Variants in MMP28 observed in about 807,000 individuals in gnomAD.
MMP28 encodes matrix metallopeptidase 28.
MMP28 carries 55 observed loss-of-function variants against 60.5 expected under a neutral mutation model. The ratio of observed to expected loss-of-function variants is 0.91; its 90% confidence interval spans 0.73 to 1.14. MMP28 has a LOEUF of 1.14. MMP28 is among the 50% of genes most tolerant of loss of function. MMP28 has a pLI of 0.00. For synonymous variants in MMP28, 318 were observed against 312.5 expected (o/e 1.02, Z -0.18); for missense variants, 686 against 738.3 (o/e 0.93, Z 0.82).
downstream of MMP28, chr17:35,760,994 A>T: frequency 6.3e-7 from 1 of 1,597,572 alleles, no homozygotes; most frequent in Non-Finnish European, 8.5e-7. Flanking sequence ...GGAGGACAGG[A>T]CCTCTTGACC....
chr17:35,791,051 T>C (rs1008278333), intron 1 of MMP28, among the ~76,000 whole-genome samples: 4 of 151,572 alleles, frequency 2.6e-5, no homozygotes, highest in South Asian at 4.2e-4. Context: ...AATCTTACAA[T>C]AGTAGAATTC....
Position 35,770,356 on chromosome 17 carries a change from GC to G in MMP28, c.605-45del, listed in dbSNP as rs1165360113. 4.8e-6 allele frequency: 7 copies of G among 1,454,478 alleles called. No homozygotes were observed. In the Admixed American group the frequency reaches 1.1e-4, roughly 22 times the overall value. 90.1% of individuals were successfully genotyped at this position (1,454,478 alleles called of 1,614,324 possible). On this transcript the variant is annotated intron_variant, in intron 4 of 7. Transcript: ENST00000605424. ...GTCAGGGGGTGCCACGGCCCACGAC[GC>G]CCCCAGGTACTCGCGGCCCAGCGCA...
intron 1 of MMP28, among the ~76,000 whole-genome samples, chr17:35,794,686 C>A (rs1261211281): frequency 6.6e-6 from 1 of 152,154 alleles, no homozygotes; most frequent in Non-Finnish European, 1.5e-5. Context: ...GTTCACCTTC[C>A]TGCCCCCTTA....
At chr17:35,783,173 C>T (rs964251651) in intron 1 of MMP28, among the ~76,000 whole-genome samples, 1 of 152,208 alleles carries the variant, frequency 6.6e-6, no homozygotes, top group Non-Finnish European at 1.5e-5. Flanking sequence ...TTTCTTTATC[C>T]ACAAAGTGAG....
At chr17:35,793,411 T>C (rs544187600) in intron 1 of MMP28, among the ~76,000 whole-genome samples, 2 of 152,234 alleles carry the variant, frequency 1.3e-5, no homozygotes, top group Admixed American at 6.5e-5. Context: ...AGCCTTCTCC[T>C]GGGGCTGCAA....
chr17:35,770,364 G>C, intron 4 of MMP28, 52 bp from the exon 5 acceptor site: 1 of 1,449,120 alleles, frequency 6.9e-7, no homozygotes, highest in Non-Finnish European at 9.0e-7. Context: ...ACGCCCCCAG[G>C]TACTCGCGGC....
At chr17:35,792,192 G>A (rs1340882206) in intron 1 of MMP28, among the ~76,000 whole-genome samples, 1 of 152,056 alleles carries the variant, frequency 6.6e-6, no homozygotes, top group East Asian at 1.9e-4. Flanking sequence ...AGCAATCGTG[G>A]GGTCTATGTT....
intron 3 of MMP28, among the ~76,000 whole-genome samples, chr17:35,777,443 G>A (rs2086367036): frequency 6.6e-6 from 1 of 152,196 alleles, no homozygotes; most frequent in Non-Finnish European, 1.5e-5. Flanking sequence ...GGGCATATAG[G>A]TGAAGCAGAA....
chr17:35,789,620 C>T (rs1370364383), intron 1 of MMP28, among the ~76,000 whole-genome samples: 1 of 152,040 alleles, frequency 6.6e-6, no homozygotes, highest in East Asian at 1.9e-4. Flanking sequence ...AGTTTCATTG[C>T]TCTGATGATT....
At chr17:35,775,181 T>C (rs2086289243) in intron 3 of MMP28, among the ~76,000 whole-genome samples, 1 of 152,004 alleles carries the variant, frequency 6.6e-6, no homozygotes, top group Non-Finnish European at 1.5e-5. Flanking sequence ...TGAATAGGAA[T>C]GGGAATTGAG....
At chr17:35,767,688 GACCTTGGGC>G in intron 7 of MMP28, 55 bp downstream of exon 7, 1 of 1,533,336 alleles carries the variant, frequency 6.5e-7, no homozygotes, top group Non-Finnish European at 8.8e-7. Context: ...GTCCTCTTTT[GACCTTGGGC>G]AGGACACCTT....
At chr17:35,767,019 C>G in intron 7 of MMP28, 125 bp from the exon 8 acceptor site, 1 of 892,454 alleles carries the variant, frequency 1.1e-6, no homozygotes, top group East Asian at 2.6e-5. Context: ...GTATTCATAT[C>G]AATCAAACGG....
chr17:35,771,121 G>A (rs940896316), intron 4 of MMP28, among the ~76,000 whole-genome samples: 65 of 152,092 alleles, frequency 4.3e-4, no homozygotes, highest in African/African-American at 1.4e-3. Flanking sequence ...TGCCTAGCAC[G>A]TAATAAGGGC....
At chr17:35,794,989 C>T (rs963552003) in intron 1 of MMP28, among the ~76,000 whole-genome samples, 1 of 152,208 alleles carries the variant, frequency 6.6e-6, no homozygotes, top group Non-Finnish European at 1.5e-5. Context: ...CCGTGCCAAA[C>T]TAGGGTAGGA....
At chr17:35,786,883 A>G (rs1416717402) in intron 1 of MMP28, among the ~76,000 whole-genome samples, 1 of 151,964 alleles carries the variant, frequency 6.6e-6, no homozygotes, top group Non-Finnish European at 1.5e-5. Flanking sequence ...AGGTGTTGCT[A>G]TTCCCATTTT....
At chr17:35,795,223 T>G in intron 1 of MMP28, 44 bp downstream of exon 1, 1 of 1,307,242 alleles carries the variant, frequency 7.6e-7, no homozygotes, top group Non-Finnish European at 9.9e-7. Context: ...TTCTGACAGG[T>G]CTCAAGCACA....
At chr17:35,764,347 G>C (rs947180819), downstream of MMP28, 6 of 1,449,326 alleles carry the variant, frequency 4.1e-6, no homozygotes, top group Non-Finnish European at 5.4e-6. Flanking sequence ...CTCCTCGACC[G>C]GGGCACGAGG....
rs761264052 is a variant in MMP28, at chr17:35,770,167, G to C, written c.750C>G (p.His250Gln). ...CCATGAGCGCGCGCGGCGCGGGCGA[G>C]TGGGTGAGGCCAAGCGTGTGACCGA... ...HEIGHTLGLT[H>Q]SPAPRALMAP... Residue 250 changes from histidine (H) to glutamine (Q), a missense_variant, in exon 5 of 8, where the codon CAC becomes CAG. Transcript: ENST00000605424. 9 of 1,607,016 alleles carry C rather than the reference G, an allele frequency of 5.6e-6. No individual in the cohort carries two copies. In the South Asian group the frequency reaches 8.8e-5, roughly 16 times the overall value.
chr17:35,766,214 A>T lies in MMP28; in HGVS notation c.*286T>A. 5.0e-6 allele frequency: 6 copies of T among 1,194,130 alleles called. No individual in the cohort carries two copies. Among genetic ancestry groups the T allele is most frequent in the Non-Finnish European group, 6.2e-6 (6 of 961,518 alleles). The allele number at this position is 1,194,130 out of a possible 1,614,324, so 74.0% of individuals were successfully genotyped here. On this transcript the variant is annotated 3_prime_UTR_variant, in exon 8 of 8. Transcript: ENST00000605424. The surrounding 1 kb of genome is among the most constrained non-coding windows in gnomAD (Gnocchi z 4.3). ...AACTGTACCTTTAGCCGAAGAAACA[A>T]AGGCCTGGGGAGGATAGAAGTCCTC...
Sources: allele counts gnomAD v4.1 joint callset (sites outside exome capture counted in the v4.1 genomes callset), GRCh38; gene constraint gnomAD v4.1.1; non-coding constraint Gnocchi (gnomAD v3.1); transcripts MANE v1.5; gene names NCBI Gene and HGNC (gene_info 2026-07-23, HGNC 2026-07-21).